CNTN1: variants seen among roughly 807,000 people sequenced by gnomAD.
CNTN1 encodes the protein contactin 1.
CNTN1 carries 38 observed loss-of-function variants against 126.4 expected under a neutral mutation model. The observed-to-expected ratio is 0.30, with a 90% CI of 0.23 to 0.39. The LOEUF (loss-of-function observed/expected upper bound fraction) is 0.39, where lower values mean the gene tolerates loss of function less well. Ranked by LOEUF, CNTN1 falls within the 10% of genes least tolerant of loss-of-function variation. The probability of loss-of-function intolerance (pLI) is 1.00; values close to 1 mark genes in which losing one functional copy is unlikely to be tolerated. For missense variants in CNTN1, 1,009 were observed against 1,248.4 expected, an observed-to-expected ratio of 0.81 and a Z score of 2.89; for synonymous variants, 413 against 422.6, an observed-to-expected ratio of 0.98 and a Z score of 0.28.
intron 1 of CNTN1, among the ~76,000 whole-genome samples, chr12:40,808,514 TA>T (rs1940943885): frequency 1.3e-5 from 2 of 152,132 alleles, no homozygotes; most frequent in Admixed American, 1.3e-4. Flanking sequence ...TCTATAGCAT[TA>T]ATAATATTAA....
rs111581985 is a variant in CNTN1 at position 40,754,702 on chromosome 12, T to G, written c.-77+62110T>G. Among the ~76,000 whole-genome samples, 492 of 152,188 alleles carry G rather than the reference T, an allele frequency of 3.2e-3. 4 individuals carry two copies. The highest frequency in any genetic ancestry group is 5.9e-3 in the Non-Finnish European group (404 of 68,004). The stretch of plus-strand genomic sequence containing the variant: ...TTTTCTAGTATTTATGTTGCAAGTT[T>G]TTTCTCCAGTTGTCAATGTTATGTT... On this transcript the variant is annotated intron_variant, in intron 1 of 23. Transcript: ENST00000551295.
At chr12:41,014,425 A>G (rs1566145631) in intron 18 of CNTN1, 127 bp downstream of exon 18, 4 of 936,110 alleles carry the variant, frequency 4.3e-6, no homozygotes, top group Non-Finnish European at 6.6e-6. Flanking sequence ...ATATATTACT[A>G]TTTTTTTTTC....
intron 23 of CNTN1, among the ~76,000 whole-genome samples, chr12:41,038,194 A>G (rs1949311831): frequency 6.6e-6 from 1 of 152,156 alleles, no homozygotes; most frequent in African/African-American, 2.4e-5. Flanking sequence ...AGTTTTAAAA[A>G]TTACTAATTT....
chr12:40,697,574 G>GTGTC (rs1259015163), intron 1 of CNTN1, among the ~76,000 whole-genome samples: 1 of 152,168 alleles, frequency 6.6e-6, no homozygotes, highest in Non-Finnish European at 1.5e-5. Context: ...ATTTGCAGTA[G>GTGTC]TGTCTCTTTG....
intron 1 of CNTN1, among the ~76,000 whole-genome samples, chr12:40,862,125 G>T (rs2136645549): frequency 6.6e-6 from 1 of 151,880 alleles, no homozygotes; most frequent in Non-Finnish European, 1.5e-5. Flanking sequence ...AATCACTTGT[G>T]CCCAGGAGTT....
intron 1 of CNTN1, among the ~76,000 whole-genome samples, chr12:40,818,333 A>T (rs1360327114): frequency 6.6e-6 from 1 of 151,910 alleles, no homozygotes; most frequent in Non-Finnish European, 1.5e-5. Context: ...TTTTTTATGA[A>T]GTTCCATATT....
chr12:40,994,848 C>T (rs567843814), intron 17 of CNTN1, among the ~76,000 whole-genome samples: 2 of 151,942 alleles, frequency 1.3e-5, no homozygotes, highest in East Asian at 3.9e-4. Flanking sequence ...AATAAAGATT[C>T]ATATAAATAG....
At chr12:41,059,861 C>T (rs942114323) in intron 23 of CNTN1, among the ~76,000 whole-genome samples, 4 of 151,918 alleles carry the variant, frequency 2.6e-5, no homozygotes, top group South Asian at 4.2e-4. Flanking sequence ...CCTATATCTA[C>T]GAAAAATATA....
chr12:40,851,999 G>T (rs552466442), intron 1 of CNTN1, among the ~76,000 whole-genome samples: 1 of 152,226 alleles, frequency 6.6e-6, no homozygotes, highest in African/African-American at 2.4e-5. Context: ...CCAAGTTGAA[G>T]GCTAGGTGGT....
At position 40,959,187 on chromosome 12, in the gene CNTN1, A is replaced by G. The variant is rs1454223204; in HGVS notation, c.1757A>G (p.Gln586Arg). Residue 586 changes from glutamine to arginine, a missense_variant, in exon 15 of 24, where the codon CAG becomes CGG. Transcript: ENST00000551295. ...GCTGGAAGATACACATGCACTGCCC[A>G]GACAATTGTGGACAATTCTTCAGCT... ...KHAGRYTCTAQTIVDNSSASA... is the reference protein window; with the variant it reads ...KHAGRYTCTARTIVDNSSASA... 2 of 1,612,754 alleles carry G rather than the reference A, an allele frequency of 1.2e-6. No individual in the cohort carries two copies.
intron 1 of CNTN1, among the ~76,000 whole-genome samples, chr12:40,755,158 T>C (rs1317272963): frequency 9.0e-5 from 12 of 133,286 alleles, no homozygotes; most frequent in African/African-American, 3.0e-4. Flanking sequence ...TCCACTGCAT[T>C]CCATCCAGGG....
chr12:40,775,439 AT>A (rs1371648460), intron 1 of CNTN1, among the ~76,000 whole-genome samples: 1 of 151,396 alleles, frequency 6.6e-6, no homozygotes, highest in East Asian at 1.9e-4. Context: ...TTCTATAATT[AT>A]TTTTTTCCAT....
At chr12:40,780,779 A>G (rs559735697) in intron 1 of CNTN1, among the ~76,000 whole-genome samples, 2 of 150,692 alleles carry the variant, frequency 1.3e-5, no homozygotes, top group South Asian at 2.1e-4. Flanking sequence ...AGGTTAAGGC[A>G]TTCTATTCAA....
chr12:40,819,908 G>A (rs900967171), intron 1 of CNTN1, among the ~76,000 whole-genome samples: 6 of 152,154 alleles, frequency 3.9e-5, no homozygotes, highest in African/African-American at 1.4e-4. Flanking sequence ...GCTCGGGGGA[G>A]GGGGTTCCCC....
At chr12:40,704,252 A>C (rs1267129481) in intron 1 of CNTN1, among the ~76,000 whole-genome samples, 1 of 152,172 alleles carries the variant, frequency 6.6e-6, no homozygotes, top group African/African-American at 2.4e-5. Context: ...AAAGGGCTGT[A>C]ATTTCAAAAA....
chr12:40,889,813 G>T (rs1944178982), intron 1 of CNTN1, among the ~76,000 whole-genome samples: 1 of 152,118 alleles, frequency 6.6e-6, no homozygotes, highest in Non-Finnish European at 1.5e-5. Flanking sequence ...TTAGGGGACA[G>T]GTACTGCCAT....
At chr12:40,720,282 G>A (rs11832147) in intron 1 of CNTN1, among the ~76,000 whole-genome samples, 6,588 of 151,918 alleles carry the variant, frequency 0.043, 288 homozygotes, top group African/African-American at 0.12. Flanking sequence ...CATATTTATT[G>A]GTACTAATTT....
intron 22 of CNTN1, among the ~76,000 whole-genome samples, chr12:41,028,754 C>G (rs1333649455): frequency 6.6e-6 from 1 of 152,034 alleles, no homozygotes; most frequent in Non-Finnish European, 1.5e-5. Flanking sequence ...TAAAAGTTCT[C>G]ATTTTGGACT....
intron 1 of CNTN1, among the ~76,000 whole-genome samples, chr12:40,775,313 A>G (rs1346316572): frequency 6.6e-6 from 1 of 151,460 alleles, no homozygotes; most frequent in Non-Finnish European, 1.5e-5. Flanking sequence ...AATATAAATG[A>G]ATTATATATA....
Sources: allele counts gnomAD v4.1 joint callset (sites outside exome capture counted in the v4.1 genomes callset), GRCh38; gene constraint gnomAD v4.1.1; transcripts MANE v1.5; gene names NCBI Gene and HGNC (gene_info 2026-07-23, HGNC 2026-07-21).